RASGEF1B: variants seen among roughly 807,000 people sequenced by gnomAD.
The protein encoded by RASGEF1B is ras-GEF domain-containing family member 1B.
A neutral mutation model predicts 65.7 loss-of-function variants in RASGEF1B; 30 were observed. The ratio of observed to expected loss-of-function variants is 0.46; its 90% CI spans 0.34 to 0.62. The LOEUF (loss-of-function observed/expected upper bound fraction) is 0.62. Ranked by LOEUF, RASGEF1B falls within the 20% of genes least tolerant of loss-of-function variation. The probability of loss-of-function intolerance (pLI) is 0.01; values close to 1 mark genes in which losing one functional copy is unlikely to be tolerated. For synonymous variants in RASGEF1B, 175 were observed against 194.8 expected (o/e 0.90, Z 0.85); for missense variants, 495 against 580.1 (o/e 0.85, Z 1.51).
chr4:81,430,352 G>A (rs1296022361), intron 13 of RASGEF1B, among the ~76,000 whole-genome samples: 1 of 152,142 alleles, frequency 6.6e-6, no homozygotes, highest in Non-Finnish European at 1.5e-5. Context: ...GCCTATGTGC[G>A]ACCCGATTCT....
At chr4:81,448,425 G>C (rs753178270) in intron 4 of RASGEF1B, 141 bp from the exon 5 acceptor site, 2 of 701,276 alleles carry the variant, frequency 2.9e-6, no homozygotes, top group Non-Finnish European at 2.5e-6. Context: ...GGAAGATTCA[G>C]CTAGCTCTAA....
intron 1 of RASGEF1B, among the ~76,000 whole-genome samples, chr4:81,461,032 AC>A (rs1217843681): frequency 6.6e-6 from 1 of 151,838 alleles, no homozygotes; most frequent in African/African-American, 2.4e-5. Context: ...TGGTCTGCAC[AC>A]ACCCTTAGTT....
Position 81,434,680 on chromosome 4 carries a change from C to A in RASGEF1B, c.1159G>T (p.Gly387Cys), listed in dbSNP as rs773702943. Residue 387 changes from glycine (G) to cysteine (C), a missense_variant, in exon 11 of 14, where the codon GGT becomes TGT. Physicochemically the swap from Gly to Cys is radical, Grantham distance 159 (BLOSUM62 -3). Coordinates refer to ENST00000264400, the MANE Select transcript of RASGEF1B (RefSeq NM_152545.3). ...LIKDIYFLNE[G>C]CANRLPNGHV... ...CCATTGGGAAGGCGGTTGGCACAACCCTCATTGAGGAAATAAATATCTTTG... is the reference window on the plus strand; with the variant it reads ...CCATTGGGAAGGCGGTTGGCACAACACTCATTGAGGAAATAAATATCTTTG... The A allele has an allele frequency of 5.0e-6, 8 of 1,607,404 alleles. No individual in the cohort carries two copies. Among genetic ancestry groups the A allele is most frequent in the Non-Finnish European group, 5.1e-6 (6 of 1,174,088 alleles).
At chr4:81,439,204 T>C (rs1369928162) in intron 10 of RASGEF1B, among the ~76,000 whole-genome samples, 2 of 152,194 alleles carry the variant, frequency 1.3e-5, no homozygotes, top group Non-Finnish European at 2.9e-5. Flanking sequence ...ACTAATTTAC[T>C]TTCCCAACAA....
chr4:81,432,393 T>G (rs1415527515), intron 12 of RASGEF1B, 22 bp from the exon 13 acceptor site: 1 of 1,507,850 alleles, frequency 6.6e-7, no homozygotes, highest in South Asian at 1.1e-5. Flanking sequence ...CAAAAGAAAG[T>G]GCATTAACAT....
intron 2 of RASGEF1B, 32 bp from the exon 3 acceptor site, chr4:81,457,653 C>T (rs1346376507): frequency 1.1e-5 from 17 of 1,608,884 alleles, no homozygotes; most frequent in Non-Finnish European, 1.4e-5. Context: ...ATCATCGTTA[C>T]ATTCTCTCTG....
chr4:81,466,762 A>G (rs1403831423), intron 1 of RASGEF1B, among the ~76,000 whole-genome samples: 29 of 50,926 alleles, frequency 5.7e-4, no homozygotes, highest in African/African-American at 2.0e-3. Context: ...CCATGTCAAA[A>G]AAAAAAAAAA....
rs115907333 is a variant in RASGEF1B, at chr4:81,437,886, A to G, written c.1104+2948T>C. ...GTGAAAATCAGATTATAAGGACTTC[A>G]GATTTCCATGAGCTAAGTGAATGTA... On this transcript the variant is annotated intron_variant, in intron 10 of 13. Coordinates refer to ENST00000264400, the MANE Select transcript of RASGEF1B (RefSeq NM_152545.3). 5.9e-3 allele frequency among the ~76,000 whole-genome samples: 894 copies of G among 152,322 alleles called. 14 individuals are homozygous for G. Among genetic ancestry groups the G allele is most frequent in the African/African-American group, 0.02 (845 of 41,580 alleles).
intron 10 of RASGEF1B, among the ~76,000 whole-genome samples, chr4:81,435,463 A>ATTTTT (rs1200565994): frequency 6.4e-5 from 5 of 78,362 alleles, no homozygotes; most frequent in East Asian, 3.7e-4. Flanking sequence ...GCAGGCACCG[A>ATTTTT]TTTTTTTTTT....
At position 81,445,600 on chromosome 4, in the gene RASGEF1B, A is replaced by G. The variant is rs1721990958; in HGVS notation, c.854T>C (p.Met285Thr). Residue 285 changes from methionine (M) to threonine (T), a missense_variant, in exon 8 of 14, where the codon ATG (methionine) becomes ACG (threonine). Coordinates refer to ENST00000264400, the MANE Select transcript of RASGEF1B (RefSeq NM_152545.3). The stretch of plus-strand genomic sequence containing the variant: ...AGCTACGTCAATGAAATACTCAATC[A>G]TTCTTGCTCGGTGTTTTTTCTTAAC... Reference protein sequence around the residue: ...MPVKKKHRARMIEYFIDVARE... With the variant: ...MPVKKKHRARTIEYFIDVARE... The G allele has an allele frequency of 6.2e-7, 1 of 1,613,934 alleles. No homozygotes were observed. The highest frequency in any genetic ancestry group is 1.1e-5 in the South Asian group (1 of 91,088).
At chr4:81,448,386 G>C in intron 4 of RASGEF1B, 102 bp from the exon 5 acceptor site, 1 of 1,017,070 alleles carries the variant, frequency 9.8e-7, no homozygotes. Context: ...CTGGACATTG[G>C]AGAATAAACT....
chr4:81,449,640 G>T (rs959485203), intron 4 of RASGEF1B, among the ~76,000 whole-genome samples: 1 of 152,072 alleles, frequency 6.6e-6, no homozygotes, highest in African/African-American at 2.4e-5. Context: ...ATGTAGAAAG[G>T]CCTATGTTTA....
intron 2 of RASGEF1B, 185 bp downstream of exon 2, chr4:81,459,147 C>A (rs1400606290): frequency 1.8e-6 from 1 of 543,828 alleles, no homozygotes; most frequent in African/African-American, 1.9e-5. Flanking sequence ...ACATAGTATA[C>A]CAAAATCTGA....
At chr4:81,428,169 A>G (rs1214559830) in intron 13 of RASGEF1B, among the ~76,000 whole-genome samples, 1 of 152,222 alleles carries the variant, frequency 6.6e-6, no homozygotes, top group Non-Finnish European at 1.5e-5. Flanking sequence ...TTCCATGAAC[A>G]CTGGGAGAGT....
intron 1 of RASGEF1B, among the ~76,000 whole-genome samples, chr4:81,465,695 G>A (rs553135784): frequency 1.4e-4 from 22 of 152,318 alleles, no homozygotes; most frequent in African/African-American, 4.8e-4. Context: ...TTGAATTAGC[G>A]ACTGCTTTTG....
chr4:81,432,425 T>C, intron 12 of RASGEF1B, 54 bp from the exon 13 acceptor site: 1 of 1,105,212 alleles, frequency 9.0e-7, no homozygotes, highest in Admixed American at 1.7e-5. Flanking sequence ...CCTGATATAT[T>C]ATCTACCACC....
intron 4 of RASGEF1B, chr4:81,453,562 A>C (rs1305832637): frequency 3.9e-5 from 6 of 152,250 alleles, no homozygotes. Context: ...GGTTGAACCC[A>C]TGGATGCAGA....
At chr4:81,427,886 C>A in intron 13 of RASGEF1B, 94 bp from the exon 14 acceptor site, 1 of 1,266,814 alleles carries the variant, frequency 7.9e-7, no homozygotes, top group Non-Finnish European at 1.1e-6. Context: ...TTTATCTTTC[C>A]TGTGTTTTAA....
rs779067897 is a variant in RASGEF1B at position 81,445,810 on chromosome 4, C to T, written c.758G>A (p.Arg253Gln). The change falls in exon 7 of 14, where the codon CGA becomes CAA. Residue 253 changes from arginine (R) to glutamine (Q), a missense_variant. Arg to Gln is a conservative substitution (Grantham distance 43). Transcript: ENST00000264400. The stretch of plus-strand genomic sequence containing the variant: ...CCATTCCACGTAAGCTTCTAAGTTT[C>T]GTGTTTTCTTCCGTTCACTGTAGCA... ...KSCYSERKKT[R>Q]NLEAYVEWFN... The T allele has an allele frequency of 3.5e-5, 56 of 1,613,864 alleles. No homozygotes were observed. The highest frequency in any genetic ancestry group is 4.7e-5 in the Non-Finnish European group (55 of 1,179,950).
Sources: allele counts gnomAD v4.1 joint callset (sites outside exome capture counted in the v4.1 genomes callset), GRCh38; gene constraint gnomAD v4.1.1; transcripts MANE v1.5; gene names NCBI Gene and HGNC (gene_info 2026-07-23, HGNC 2026-07-21).